LINGO2: variants seen among roughly 807,000 people sequenced by gnomAD.
LINGO2 encodes the protein leucine-rich repeat and immunoglobulin-like domain-containing nogo receptor-interacting protein 2.
A neutral mutation model predicts 30.6 loss-of-function variants in LINGO2; 14 were observed. That is an observed-to-expected ratio of 0.46 (90% CI 0.30 to 0.72). LINGO2 has a LOEUF of 0.72. Among genes scored for constraint, LINGO2 ranks in the 30% least tolerant of loss-of-function variants. The probability of loss-of-function intolerance (pLI) is 0.07; values close to 1 mark genes in which losing one functional copy is unlikely to be tolerated. For synonymous variants in LINGO2, 317 were observed against 288.5 expected, an observed-to-expected ratio of 1.10 and a Z score of -1.00; for missense variants, 729 against 751.7, an observed-to-expected ratio of 0.97 and a Z score of 0.35.
At chr9:28,327,609 C>T (rs991864427) in intron 3 of LINGO2, among the ~76,000 whole-genome samples, 1 of 152,160 alleles carries the variant, frequency 6.6e-6, no homozygotes, top group African/African-American at 2.4e-5. Context: ...AATTTTATCT[C>T]AGAATTTTGT....
At chr9:28,433,950 T>TCTCTCTCTCTCTCTATATATATATAG in intron 2 of LINGO2, among the ~76,000 whole-genome samples, 1 of 39,866 alleles carries the variant, frequency 2.5e-5, no homozygotes, top group African/African-American at 7.3e-5. Flanking sequence ...TCTCTCTCTC[T>TCTCTCTCTCTCTCTATATATATATAG]ATATATATAT....
chr9:28,667,007 A>C (rs919372293), intron 1 of LINGO2, among the ~76,000 whole-genome samples: 10 of 152,204 alleles, frequency 6.6e-5, no homozygotes, highest in Non-Finnish European at 1.5e-5. Context: ...AATAAAATGT[A>C]TATAAAGGCT....
At chr9:29,188,677 G>T in the LINGO2 span, among the ~76,000 whole-genome samples, 2 of 142,988 alleles carry the variant, frequency 1.4e-5, no homozygotes, top group Admixed American at 1.5e-4. Context: ...TCACCTCCCG[G>T]ATGGGGCGGC....
the LINGO2 span, among the ~76,000 whole-genome samples, chr9:28,743,513 T>C: frequency 1.1e-3 from 165 of 152,152 alleles, 3 homozygotes; most frequent in African/African-American, 3.8e-3. Context: ...GGACATGAAC[T>C]CATCCTTTTT....
chr9:29,157,052 C>G, the LINGO2 span, among the ~76,000 whole-genome samples: 1 of 151,810 alleles, frequency 6.6e-6, no homozygotes, highest in Non-Finnish European at 1.5e-5. Context: ...AAATTAAGAA[C>G]TAAATTGCAT....
At chr9:28,383,172 A>G (rs758724614) in intron 2 of LINGO2, among the ~76,000 whole-genome samples, 5 of 151,800 alleles carry the variant, frequency 3.3e-5, no homozygotes, top group Non-Finnish European at 7.4e-5. Flanking sequence ...AAGGACCTCC[A>G]TGGGTGACTT....
the LINGO2 span, among the ~76,000 whole-genome samples, chr9:29,131,652 A>G: frequency 6.6e-6 from 1 of 152,106 alleles, no homozygotes; most frequent in Admixed American, 6.6e-5. Flanking sequence ...TTTTGTATCA[A>G]GAGAAGCTGA....
At chr9:28,018,653 C>T (rs1254959248) in intron 4 of LINGO2, among the ~76,000 whole-genome samples, 1 of 152,014 alleles carries the variant, frequency 6.6e-6, no homozygotes, top group Non-Finnish European at 1.5e-5. Flanking sequence ...TACCATCTCA[C>T]ATCAGTCAGA....
In LINGO2 at chr9:28,584,550, C is replaced by CA. The variant is rs573068142; in HGVS notation, c.-365+85649dup. 2.9e-3 allele frequency among the ~76,000 whole-genome samples: 431 copies of CA among 150,756 alleles called. 2 individuals are homozygous for CA. The highest frequency in any genetic ancestry group is 7.8e-3 in the African/African-American group (322 of 41,180). The stretch of plus-strand genomic sequence containing the variant: ...TTGTTGAATATAGTAAGGAATTGAC[C>CA]AAAAAAAAATTATCCCTGTGTCGAA... On this transcript the variant is annotated intron_variant, in intron 1 of 5. Transcript: ENST00000379992.
intron 1 of LINGO2, among the ~76,000 whole-genome samples, chr9:28,565,803 C>G (rs1477875097): frequency 6.6e-6 from 1 of 151,980 alleles, no homozygotes; most frequent in African/African-American, 2.4e-5. Flanking sequence ...ATCCACCCGC[C>G]TCGGCCTCCC....
intron 4 of LINGO2, among the ~76,000 whole-genome samples, chr9:28,028,293 G>A (rs1386035009): frequency 6.6e-6 from 1 of 152,252 alleles, no homozygotes; most frequent in East Asian, 1.9e-4. Context: ...CAGGTGCAAT[G>A]CCATCATATA....
intron 4 of LINGO2, among the ~76,000 whole-genome samples, chr9:28,128,423 G>A (rs1324177024): frequency 2.0e-5 from 3 of 152,110 alleles, no homozygotes; most frequent in Non-Finnish European, 4.4e-5. Flanking sequence ...AAACATCTTA[G>A]CATTCCTCTT....
chr9:28,830,824 T>C, the LINGO2 span, among the ~76,000 whole-genome samples: 2 of 147,778 alleles, frequency 1.4e-5, no homozygotes, highest in African/African-American at 5.3e-5. Context: ...ATCGTGCACA[T>C]GCACACACAC....
At chr9:28,041,745 C>A (rs78422998) in intron 4 of LINGO2, among the ~76,000 whole-genome samples, 1 of 152,080 alleles carries the variant, frequency 6.6e-6, no homozygotes, top group South Asian at 2.1e-4. Context: ...ATATTGTTAG[C>A]GACATATTAT....
chr9:28,185,532 G>T (rs895686525), intron 4 of LINGO2, among the ~76,000 whole-genome samples: 5 of 151,978 alleles, frequency 3.3e-5, no homozygotes, highest in African/African-American at 1.2e-4. Context: ...AAACCCCACG[G>T]TAATTCTATT....
chr9:28,763,208 C>T, the LINGO2 span, among the ~76,000 whole-genome samples: 5 of 151,944 alleles, frequency 3.3e-5, no homozygotes, highest in African/African-American at 1.2e-4. Flanking sequence ...ATCTAAAAGA[C>T]ATATACAGAA....
intron 4 of LINGO2, among the ~76,000 whole-genome samples, chr9:28,063,257 C>A (rs778037752): frequency 6.6e-6 from 1 of 151,976 alleles, no homozygotes; most frequent in Non-Finnish European, 1.5e-5. Context: ...TTAAGCCTTA[C>A]GAAGGATTGT....
intron 1 of LINGO2, among the ~76,000 whole-genome samples, chr9:28,523,688 T>C (rs1290084996): frequency 1.3e-5 from 2 of 152,120 alleles, no homozygotes; most frequent in Non-Finnish European, 2.9e-5. Context: ...TTCATAATGA[T>C]TTAAAAATAA....
chr9:29,167,625 A>G, the LINGO2 span, among the ~76,000 whole-genome samples: 1 of 152,168 alleles, frequency 6.6e-6, no homozygotes, highest in Non-Finnish European at 1.5e-5. Flanking sequence ...AAACAAAAAC[A>G]AAACAAAAAC....
Sources: gnomAD v4.1 joint callset for allele counts (sites outside exome capture counted in the v4.1 genomes callset) on GRCh38, gnomAD v4.1.1 for gene constraint, MANE v1.5 for transcripts, NCBI Gene and HGNC (gene_info 2026-07-23, HGNC 2026-07-21) for gene names.